Variants in PPM1E observed in about 807,000 individuals in gnomAD.
The protein encoded by PPM1E is protein phosphatase 1E.
PPM1E carries 20 observed loss-of-function variants against 65.9 expected under a neutral mutation model. The observed-to-expected ratio is 0.30, with a 90% CI of 0.21 to 0.44. The LOEUF (loss-of-function observed/expected upper bound fraction) is 0.44, where lower values mean the gene tolerates loss of function less well. Ranked by LOEUF, PPM1E falls within the 20% of genes least tolerant of loss-of-function variation. The pLI is 1.00. For missense variants in PPM1E, 713 were observed against 953.1 expected, an observed-to-expected ratio of 0.75 and a Z score of 3.32; for synonymous variants, 352 against 374.9, an observed-to-expected ratio of 0.94 and a Z score of 0.70.
chr17:58,943,719 G>A (rs1310230467), intron 1 of PPM1E, among the ~76,000 whole-genome samples: 3 of 152,126 alleles, frequency 2.0e-5, no homozygotes, highest in African/African-American at 7.2e-5. Flanking sequence ...AAACTCTGTG[G>A]ATGGGGCCCA....
chr17:58,912,825 T>C (rs544550122), intron 1 of PPM1E, among the ~76,000 whole-genome samples: 2 of 152,094 alleles, frequency 1.3e-5, no homozygotes, highest in Non-Finnish European at 1.5e-5. Context: ...GAAGGTTGAG[T>C]TGGTAACCAG....
rs550970454 is a variant in PPM1E, at chr17:58,836,322, C to G, written c.464+79861C>G. Among the ~76,000 whole-genome samples the G allele has an allele frequency of 1.2e-3, 187 of 151,932 alleles. 1 individual carries two copies. The highest frequency in any genetic ancestry group is 4.3e-3 in the African/African-American group (178 of 41,480). The stretch of plus-strand genomic sequence containing the variant: ...AATGTATTTCATCATCTGCCTTCTT[C>G]TTATCTAAATCAAAGAATTCCCAGG... On this transcript the variant is annotated intron_variant, in intron 1 of 6. Coordinates refer to ENST00000308249, the MANE Select transcript of PPM1E (RefSeq NM_014906.5).
At chr17:58,794,010 T>C (rs1453866656) in intron 1 of PPM1E, among the ~76,000 whole-genome samples, 1 of 152,046 alleles carries the variant, frequency 6.6e-6, no homozygotes, top group Non-Finnish European at 1.5e-5. Context: ...TGGCCTGATC[T>C]CAGCTCACTA....
chr17:58,807,702 A>T (rs1197033400), intron 1 of PPM1E, among the ~76,000 whole-genome samples: 1 of 152,234 alleles, frequency 6.6e-6, no homozygotes, highest in African/African-American at 2.4e-5. Context: ...ATGGATAAGG[A>T]AAAGACAGCC....
At chr17:58,923,502 T>C (rs2051781318) in intron 1 of PPM1E, among the ~76,000 whole-genome samples, 1 of 151,676 alleles carries the variant, frequency 6.6e-6, no homozygotes, top group Admixed American at 6.6e-5. Context: ...TCCCAGCACT[T>C]TGGGAGGCCA....
intron 1 of PPM1E, among the ~76,000 whole-genome samples, chr17:58,889,887 G>A (rs374547528): frequency 6.6e-6 from 1 of 152,328 alleles, no homozygotes; most frequent in East Asian, 1.9e-4. Context: ...CTTCAGTATA[G>A]TTGATTATTC....
intron 1 of PPM1E, chr17:58,785,211 T>C (rs552787270): frequency 2.6e-5 from 4 of 152,010 alleles, no homozygotes; most frequent in South Asian, 4.1e-4. Context: ...CCTAGCACCA[T>C]ATGTTGGAAA....
chr17:58,832,482 G>T (rs189890725), intron 1 of PPM1E, among the ~76,000 whole-genome samples: 127 of 152,194 alleles, frequency 8.3e-4, no homozygotes, highest in South Asian at 1.7e-3. Flanking sequence ...TCTATATATA[G>T]AGAGAGAGAC....
At chr17:58,891,992 T>C (rs1173083375) in intron 1 of PPM1E, among the ~76,000 whole-genome samples, 1 of 151,978 alleles carries the variant, frequency 6.6e-6, no homozygotes, top group East Asian at 1.9e-4. Context: ...TGCGCCACCA[T>C]GCATGGCTAA....
intron 1 of PPM1E, among the ~76,000 whole-genome samples, chr17:58,795,027 T>C (rs1023338532): frequency 2.6e-5 from 4 of 151,984 alleles, no homozygotes; most frequent in Non-Finnish European, 5.9e-5. Flanking sequence ...TAGCTGGGGT[T>C]ACAGGAGCCC....
intron 1 of PPM1E, among the ~76,000 whole-genome samples, chr17:58,922,777 C>T (rs925938163): frequency 3.3e-5 from 5 of 150,534 alleles, no homozygotes; most frequent in East Asian, 4.0e-4. Flanking sequence ...CTCTGCCTCC[C>T]GGGTTCAAGT....
At chr17:58,833,890 C>T (rs6503881) in intron 1 of PPM1E, among the ~76,000 whole-genome samples, 22,359 of 152,058 alleles carry the variant, frequency 0.15, 2,555 homozygotes, top group East Asian at 0.31. Context: ...ACAGCCTTTC[C>T]GACATCTGTT....
chr17:58,981,616 C>T lies in PPM1E; in HGVS notation c.*585C>T, dbSNP rs895929814. 1 of 152,540 alleles carries T rather than the reference C, an allele frequency of 6.6e-6. No homozygotes were observed. The highest frequency in any genetic ancestry group is 1.5e-5 in the Non-Finnish European group (1 of 68,048). The allele number at this position is 152,540 out of a possible 1,614,324, so 9.4% of individuals were successfully genotyped here. ...AGTGTAAAAGTGTCATATTCTCAGA[C>T]TTGTGAGGCGGTTTATAGTCAGAAA... On this transcript the variant is annotated 3_prime_UTR_variant, in exon 7 of 7. Coordinates refer to ENST00000308249, the MANE Select transcript of PPM1E (RefSeq NM_014906.5).
chr17:58,956,204 T>G (rs981970925), intron 2 of PPM1E, among the ~76,000 whole-genome samples: 1 of 151,986 alleles, frequency 6.6e-6, no homozygotes, highest in Non-Finnish European at 1.5e-5. Flanking sequence ...GAGGCTGAGG[T>G]GGGCAGATCA....
chr17:58,879,537 T>C (rs2051167255), intron 1 of PPM1E, among the ~76,000 whole-genome samples: 1 of 123,056 alleles, frequency 8.1e-6, no homozygotes, highest in South Asian at 2.6e-4. Context: ...TGAGACAGAG[T>C]CTCGCTCTGT....
At chr17:58,889,890 G>T (rs1010393418) in intron 1 of PPM1E, among the ~76,000 whole-genome samples, 16 of 152,178 alleles carry the variant, frequency 1.1e-4, no homozygotes, top group African/African-American at 3.9e-4. Context: ...CAGTATAGTT[G>T]ATTATTCATT....
At position 58,837,320 on chromosome 17, in the gene PPM1E, AACAC is replaced by A. The variant is rs371754222; in HGVS notation, c.464+80867_464+80870del. On this transcript the variant is annotated intron_variant, in intron 1 of 6. Coordinates refer to ENST00000308249, the MANE Select transcript of PPM1E (RefSeq NM_014906.5). ...TATACAACTGTCAGAGAATGAGAAT[AACAC>A]ACACACATACACACACACACACACA... is the stretch of plus-strand genomic sequence containing the variant. Among the ~76,000 whole-genome samples, 56 of 120,244 alleles carry A rather than the reference AACAC, an allele frequency of 4.7e-4. 1 individual carries two copies. The highest frequency in any genetic ancestry group is 4.0e-3 in the Middle Eastern group (1 of 248). The allele number at this position is 120,244 out of a possible 152,430, so 78.9% of individuals were successfully genotyped here.
In PPM1E at chr17:58,805,967, A is replaced by C. The variant is rs1349877814; in HGVS notation, c.464+49506A>C. Reference sequence around the variant, plus strand: ...GTTCTGCTAAAAAAAAAAACAAAAAAAAAAAACAAAAAAAAAACAAAACAA... The same window carrying C: ...GTTCTGCTAAAAAAAAAAACAAAAACAAAAAACAAAAAAAAAACAAAACAA... On this transcript the variant is annotated intron_variant, in intron 1 of 6. Coordinates refer to ENST00000308249, the MANE Select transcript of PPM1E (RefSeq NM_014906.5). Among the ~76,000 whole-genome samples, 12 of 113,824 alleles carry C rather than the reference A, an allele frequency of 1.1e-4. 1 individual carries two copies. The highest frequency in any genetic ancestry group is 3.2e-4 in the South Asian group (1 of 3,162). The allele number at this position is 113,824 out of a possible 152,430, so 74.7% of individuals were successfully genotyped here.
chr17:58,895,599 G>T lies in PPM1E; in HGVS notation c.465-60050G>T, dbSNP rs115391380. ...AAGTGGGAAGATCACTTGAGCCCAG[G>T]AGTTTGTGACCAGTGCTGGCAACAG... On this transcript the variant is annotated intron_variant, in intron 1 of 6. Transcript: ENST00000308249. 8.6e-3 allele frequency among the ~76,000 whole-genome samples: 1,301 copies of T among 152,100 alleles called. 19 individuals are homozygous for T. Among genetic ancestry groups the T allele is most frequent in the African/African-American group, 0.029 (1,214 of 41,490 alleles).
Sources: allele counts gnomAD v4.1 joint callset (sites outside exome capture counted in the v4.1 genomes callset), GRCh38; gene constraint gnomAD v4.1.1; transcripts MANE v1.5; gene names NCBI Gene and HGNC (gene_info 2026-07-23, HGNC 2026-07-21).